The following CDH12 variants were observed in gnomAD, a reference collection of about 807,000 sequenced individuals.
CDH12 encodes cadherin 12.
CDH12 carries 41 observed loss-of-function variants against 74.1 expected under a neutral mutation model. That is an observed-to-expected ratio of 0.55 (90% CI 0.43 to 0.72). The LOEUF (loss-of-function observed/expected upper bound fraction) is 0.72, where lower values mean the gene tolerates loss of function less well. Among genes scored for constraint, CDH12 ranks in the 30% least tolerant of loss-of-function variants. CDH12 has a pLI of 0.00. For synonymous variants in CDH12, 399 were observed against 355.0 expected (o/e 1.12, Z -1.39); for missense variants, 945 against 977.2 (o/e 0.97, Z 0.44).
chr5:21,972,468 G>A (rs1310097748), intron 6 of CDH12, among the ~76,000 whole-genome samples: 2 of 152,000 alleles, frequency 1.3e-5, no homozygotes, highest in East Asian at 1.9e-4. Context: ...GAATTGCCTC[G>A]ATTATATGAG....
At position 21,882,798 on chromosome 5, in the gene CDH12, A is replaced by T. The variant is rs1236637404; in HGVS notation, c.527-28008T>A. 5.1e-6 allele frequency: 8 copies of T among 1,568,138 alleles called. No homozygotes were observed. In the Admixed American group the frequency reaches 8.3e-5, roughly 16 times the overall value. On this transcript the variant is annotated intron_variant, in intron 6 of 14. Transcript: ENST00000382254. ...AGTGATTATTGAGCAGAGCTGGGGA[A>T]GTCCCAACGTAACAAAAGATGGTGT...
At chr5:22,705,461 T>G (rs1742954517) in intron 1 of CDH12, among the ~76,000 whole-genome samples, 1 of 148,798 alleles carries the variant, frequency 6.7e-6, no homozygotes, top group South Asian at 2.1e-4. Flanking sequence ...GTAAACTTTT[T>G]GCAAAAATAA....
chr5:22,082,581 G>A (rs1027436464), intron 4 of CDH12, among the ~76,000 whole-genome samples: 1 of 152,096 alleles, frequency 6.6e-6, no homozygotes, highest in Non-Finnish European at 1.5e-5. Context: ...TATTTCTGTA[G>A]GTTTTTATTT....
rs527459052 is a variant in CDH12 at position 21,814,500 on chromosome 5, TA to T, written c.1002+2444del. Among the ~76,000 whole-genome samples the T allele has an allele frequency of 2.0e-5, 3 of 151,728 alleles. No individual in the cohort carries two copies. The South Asian group carries it at 6.2e-4, about 32-fold the overall frequency. The stretch of plus-strand genomic sequence containing the variant: ...TAAACCACGCCTTTTTCAACTGTTT[TA>T]AAAATAAATAAGAATGACATACATT... On this transcript the variant is annotated intron_variant, in intron 9 of 14. Transcript: ENST00000382254.
chr5:21,939,055 C>A (rs971165636), intron 6 of CDH12, among the ~76,000 whole-genome samples: 1 of 150,888 alleles, frequency 6.6e-6, no homozygotes, highest in African/African-American at 2.4e-5. Flanking sequence ...GGGATATAGA[C>A]AAGTAAAGTA....
At chr5:22,445,305 G>A (rs936341479) in intron 2 of CDH12, among the ~76,000 whole-genome samples, 2 of 152,060 alleles carry the variant, frequency 1.3e-5, no homozygotes, top group Admixed American at 6.6e-5. Context: ...TAAAAGTGAG[G>A]TTGAATCTTG....
intron 6 of CDH12, among the ~76,000 whole-genome samples, chr5:21,938,822 G>T (rs940863160): frequency 6.8e-6 from 1 of 146,956 alleles, no homozygotes; most frequent in Non-Finnish European, 1.5e-5. Context: ...TTTTTACCAG[G>T]TTTGAAAGGG....
chr5:21,979,670 A>T (rs1458826151), intron 5 of CDH12, among the ~76,000 whole-genome samples: 1 of 152,118 alleles, frequency 6.6e-6, no homozygotes, highest in Non-Finnish European at 1.5e-5. Context: ...TTTTATTTTC[A>T]TTTGTCATTT....
chr5:22,415,358 A>C (rs951531516), intron 2 of CDH12, among the ~76,000 whole-genome samples: 2 of 152,190 alleles, frequency 1.3e-5, no homozygotes, highest in Admixed American at 6.5e-5. Context: ...ATCTGCAAAA[A>C]TGGCCACACA....
chr5:22,579,754 T>C (rs1739984482), intron 1 of CDH12, among the ~76,000 whole-genome samples: 1 of 152,222 alleles, frequency 6.6e-6, no homozygotes, highest in African/African-American at 2.4e-5. Flanking sequence ...AAAATCACAT[T>C]TTTATTTCAA....
rs1357814704 is a variant in CDH12 at position 21,765,078 on chromosome 5, T to C, written c.1415A>G (p.Lys472Arg). 4 of 1,592,990 alleles carry C rather than the reference T, an allele frequency of 2.5e-6. No individual in the cohort carries two copies. The African/African-American group carries it at 5.4e-5, about 22-fold the overall frequency. Residue 472 changes from lysine to arginine, a missense_variant, in exon 12 of 15, where the codon AAA (lysine) becomes AGA (arginine). Coordinates refer to ENST00000382254, the MANE Select transcript of CDH12 (RefSeq NM_004061.5). Reference protein sequence around the residue: ...SKVSNPLLTSKVNILINVLDV... With the variant: ...SKVSNPLLTSRVNILINVLDV... ...TAAGACATTAATCAGTATATTGACTTTGCTGGTCAATAAAGGGTTACCTGT... is the reference window on the plus strand; with the variant it reads ...TAAGACATTAATCAGTATATTGACTCTGCTGGTCAATAAAGGGTTACCTGT...
At chr5:22,618,487 C>T (rs1233199811) in intron 1 of CDH12, among the ~76,000 whole-genome samples, 2 of 152,072 alleles carry the variant, frequency 1.3e-5, no homozygotes, top group Non-Finnish European at 2.9e-5. Flanking sequence ...CTTTAGAAAG[C>T]TCTTGTTGCA....
At chr5:22,752,222 G>T (rs559848974) in intron 1 of CDH12, among the ~76,000 whole-genome samples, 1 of 152,012 alleles carries the variant, frequency 6.6e-6, no homozygotes, top group South Asian at 2.1e-4. Flanking sequence ...GAAAATGTTT[G>T]CACTTAAAAA....
At chr5:22,426,346 GTGTT>G (rs1021972721) in intron 2 of CDH12, among the ~76,000 whole-genome samples, 66 of 147,114 alleles carry the variant, frequency 4.5e-4, no homozygotes, top group Middle Eastern at 3.3e-3. Flanking sequence ...TTATATTGTT[GTGTT>G]TGTTTGTTAT....
At chr5:22,701,855 G>A (rs919742813) in intron 1 of CDH12, among the ~76,000 whole-genome samples, 2 of 152,112 alleles carry the variant, frequency 1.3e-5, no homozygotes, top group Non-Finnish European at 1.5e-5. Context: ...GGAAAATGTT[G>A]TGCTTTTGTT....
At chr5:22,049,355 C>T (rs185014998) in intron 5 of CDH12, among the ~76,000 whole-genome samples, 12 of 152,086 alleles carry the variant, frequency 7.9e-5, no homozygotes, top group African/African-American at 2.2e-4. Context: ...ATCATGAGTC[C>T]GCTTCCTTTT....
chr5:22,624,309 A>G, intron 1 of CDH12, among the ~76,000 whole-genome samples: 1 of 152,044 alleles, frequency 6.6e-6, no homozygotes. Flanking sequence ...AAATTGACAA[A>G]TGGGATCTAA....
chr5:22,552,268 T>C lies in CDH12; in HGVS notation c.-522-46904A>G, dbSNP rs116944164. Among the ~76,000 whole-genome samples, 489 of 152,208 alleles carry C rather than the reference T, an allele frequency of 3.2e-3. 17 individuals carry two copies. In the East Asian group the frequency reaches 0.076, roughly 24 times the overall value. ...TTTTCCTAAGATCTCTTGTTGTTGC[T>C]TTTTTAAAACAAAACAAAACAAAAA... On this transcript the variant is annotated intron_variant, in intron 1 of 14. Transcript: ENST00000382254.
At chr5:22,481,604 A>C (rs1320991025) in intron 2 of CDH12, among the ~76,000 whole-genome samples, 2 of 152,212 alleles carry the variant, frequency 1.3e-5, no homozygotes, top group East Asian at 3.9e-4. Flanking sequence ...CAGTCACAGG[A>C]AAAATGCTGC....
Sources: allele counts gnomAD v4.1 joint callset (sites outside exome capture counted in the v4.1 genomes callset), GRCh38; gene constraint gnomAD v4.1.1; transcripts MANE v1.5; gene names NCBI Gene and HGNC (gene_info 2026-07-23, HGNC 2026-07-21).